GREM2: variants seen among roughly 807,000 people sequenced by gnomAD.
GREM2 encodes gremlin 2, DAN family BMP antagonist.
GREM2 carries 11 observed loss-of-function variants against 14.2 expected under a neutral mutation model. That is an observed-to-expected ratio of 0.78 (90% CI 0.49 to 1.28). The LOEUF is 1.28. Among genes scored for constraint, GREM2 ranks in the 50% most tolerant of loss-of-function variants. The pLI, the probability that GREM2 is intolerant of heterozygous loss-of-function variation, is 0.00. For missense variants in GREM2, 210 were observed against 218.5 expected, an observed-to-expected ratio of 0.96 and a Z score of 0.24; for synonymous variants, 98 against 97.6, an observed-to-expected ratio of 1.00 and a Z score of -0.02.
At chr1:240,604,184 G>T (rs1049724271) in intron 1 of GREM2, among the ~76,000 whole-genome samples, 2 of 151,614 alleles carry the variant, frequency 1.3e-5, no homozygotes, top group Non-Finnish European at 2.9e-5. Flanking sequence ...CATTAATGCG[G>T]GATCTACCCC....
At chr1:240,521,557 T>C (rs541488031) in intron 1 of GREM2, among the ~76,000 whole-genome samples, 68 of 151,786 alleles carry the variant, frequency 4.5e-4, no homozygotes, top group Admixed American at 1.2e-3. Context: ...GGCGACAGTG[T>C]GAGACTCCGT....
At chr1:240,530,939 T>A (rs944992222) in intron 1 of GREM2, 17 of 152,246 alleles carry the variant, frequency 1.1e-4, no homozygotes, top group Non-Finnish European at 5.9e-5. Flanking sequence ...AGCTAACTTT[T>A]GCAGTTTTAA....
chr1:240,604,865 C>G (rs1679997852), intron 1 of GREM2, among the ~76,000 whole-genome samples: 1 of 152,190 alleles, frequency 6.6e-6, no homozygotes, highest in African/African-American at 2.4e-5. Context: ...ATAGTAACTT[C>G]TCTTAGAAGC....
Position 240,540,626 on chromosome 1 carries a change from G to A in GREM2, c.-1-47150C>T, listed in dbSNP as rs1029959958. On this transcript the variant is annotated intron_variant, in intron 1 of 1. Transcript: ENST00000318160. This position sits in a 1 kb window ranked among gnomAD's most constrained non-coding sequence, Gnocchi z 4.2. Reference sequence around the variant, plus strand: ...TCGCCAGTTTGGAGTGCAGTGGCACGATGTAGACTTACAGCAACCTCTGCC... The same window carrying A: ...TCGCCAGTTTGGAGTGCAGTGGCACAATGTAGACTTACAGCAACCTCTGCC... Among the ~76,000 whole-genome samples, 2 of 151,274 alleles carry A rather than the reference G, an allele frequency of 1.3e-5. No homozygotes were observed. The highest frequency in any genetic ancestry group is 4.9e-5 in the African/African-American group (2 of 41,096).
At chr1:240,611,108 T>C (rs982443825) in intron 1 of GREM2, among the ~76,000 whole-genome samples, 15 of 152,150 alleles carry the variant, frequency 9.9e-5, no homozygotes, top group African/African-American at 3.1e-4. Context: ...TTATGAGTTT[T>C]AGGATCAAAT....
At chr1:240,536,935 C>T (rs912032062) in intron 1 of GREM2, among the ~76,000 whole-genome samples, 1 of 152,130 alleles carries the variant, frequency 6.6e-6, no homozygotes, top group African/African-American at 2.4e-5. Context: ...CCAAGCAAAG[C>T]AAGAATACTA....
intron 1 of GREM2, among the ~76,000 whole-genome samples, chr1:240,571,772 C>G (rs150018699): frequency 9.1e-4 from 139 of 152,142 alleles, no homozygotes; most frequent in African/African-American, 3.2e-3. Flanking sequence ...TAATTCTTGC[C>G]TTATGATAAA....
rs1253177617 is a variant in GREM2 at position 240,531,983 on chromosome 1, A to G, written c.-1-38507T>C. On this transcript the variant is annotated intron_variant, in intron 1 of 1. Transcript: ENST00000318160. ...TGTTTCCTGTCCAAGACAAGAAACAATTAGCCTCTAACAAGCTCTTTGACC... is the reference window on the plus strand; with the variant it reads ...TGTTTCCTGTCCAAGACAAGAAACAGTTAGCCTCTAACAAGCTCTTTGACC... Among the ~76,000 whole-genome samples, 7 of 152,292 alleles carry G rather than the reference A, an allele frequency of 4.6e-5. No homozygotes were observed. In the East Asian group the frequency reaches 1.3e-3, roughly 29 times the overall value.
At chr1:240,531,572 TA>T in intron 1 of GREM2, 1 of 863,284 alleles carries the variant, frequency 1.2e-6, no homozygotes, top group South Asian at 5.3e-5. Context: ...CAAAGGAAAT[TA>T]GGGAACAGAA....
In GREM2 at chr1:240,543,177, T is replaced by C. The variant is rs1678631423; in HGVS notation, c.-1-49701A>G. Among the ~76,000 whole-genome samples, 2 of 152,250 alleles carry C rather than the reference T, an allele frequency of 1.3e-5. No homozygotes were observed. The highest frequency in any genetic ancestry group is 4.8e-5 in the African/African-American group (2 of 41,464). ...GGATCACCTAAGGCTAGGGCCAGGCTTGCTTCACTGAAGACTGCTCTACGG... is the reference window on the plus strand; with the variant it reads ...GGATCACCTAAGGCTAGGGCCAGGCCTGCTTCACTGAAGACTGCTCTACGG... On this transcript the variant is annotated intron_variant, in intron 1 of 1. Coordinates refer to ENST00000318160, the MANE Select transcript of GREM2 (RefSeq NM_022469.4). This position sits in a 1 kb window ranked among gnomAD's most constrained non-coding sequence, Gnocchi z 6.4.
intron 1 of GREM2, among the ~76,000 whole-genome samples, chr1:240,523,028 A>G (rs1358490777): frequency 3.3e-5 from 5 of 152,258 alleles, no homozygotes; most frequent in African/African-American, 1.2e-4. Flanking sequence ...TTCAACAATT[A>G]CAAAATGGAA....
intron 1 of GREM2, among the ~76,000 whole-genome samples, chr1:240,524,075 G>A (rs1056861865): frequency 2.0e-5 from 3 of 152,208 alleles, no homozygotes; most frequent in Admixed American, 2.0e-4. Context: ...GTGCAGTGAT[G>A]TAATAATCAT....
At chr1:240,600,628 C>T (rs750212093) in intron 1 of GREM2, among the ~76,000 whole-genome samples, 15 of 152,056 alleles carry the variant, frequency 9.9e-5, no homozygotes, top group Admixed American at 3.9e-4. Context: ...GGATTACAGG[C>T]GCCCACCACC....
chr1:240,561,865 C>T (rs1189700637), intron 1 of GREM2, among the ~76,000 whole-genome samples: 1 of 152,120 alleles, frequency 6.6e-6, no homozygotes, highest in East Asian at 1.9e-4. Flanking sequence ...GTAACTGATA[C>T]TTAGAATAAG....
At chr1:240,508,018 A>T (rs79554393) in intron 1 of GREM2, among the ~76,000 whole-genome samples, 2,196 of 152,270 alleles carry the variant, frequency 0.014, 41 homozygotes, top group African/African-American at 0.05. Context: ...GAAAAGCTAA[A>T]CAATGAGGTA....
In GREM2 at chr1:240,493,224, C is replaced by T; in HGVS notation, c.252G>A (p.Glu84=). The stretch of plus-strand genomic sequence containing the variant: ...GGATGGTGCGGCTCCGGCAGCCCTC[C>T]TCGCTCACCGTCTGCCGCAGCGGCT... ...KTQPLRQTVS[E]EGCRSRTILN... is the part of the protein sequence containing the mutation. Residue 84 remains glutamate, a synonymous_variant, in exon 2 of 2, where the codon GAG becomes GAA. Coordinates refer to ENST00000318160, the MANE Select transcript of GREM2 (RefSeq NM_022469.4). 6.2e-7 allele frequency: 1 copy of T among 1,614,056 alleles called. No individual in the cohort carries two copies. Among genetic ancestry groups the T allele is most frequent in the Non-Finnish European group, 8.5e-7 (1 of 1,180,038 alleles).
chr1:240,597,848 C>G (rs1038316298), intron 1 of GREM2, among the ~76,000 whole-genome samples: 2 of 152,212 alleles, frequency 1.3e-5, no homozygotes, highest in South Asian at 2.1e-4. Flanking sequence ...CATGCACCCC[C>G]GAAACATTTT....
At chr1:240,579,696 G>C (rs1679446917) in intron 1 of GREM2, among the ~76,000 whole-genome samples, 1 of 152,162 alleles carries the variant, frequency 6.6e-6, no homozygotes, top group African/African-American at 2.4e-5. Context: ...CTCAGGGAGT[G>C]CCAACGGTTT....
At chr1:240,582,306 A>G (rs934302290) in intron 1 of GREM2, among the ~76,000 whole-genome samples, 1 of 152,132 alleles carries the variant, frequency 6.6e-6, no homozygotes, top group African/African-American at 2.4e-5. Context: ...GTGGTGGCAC[A>G]TGCCTGTAAA....
Sources: gnomAD v4.1 joint callset for allele counts (sites outside exome capture counted in the v4.1 genomes callset) on GRCh38, gnomAD v4.1.1 for gene constraint, Gnocchi (gnomAD v3.1) non-coding constraint, MANE v1.5 for transcripts, NCBI Gene and HGNC (gene_info 2026-07-23, HGNC 2026-07-21) for gene names.